Variants in KIRREL3 observed in about 807,000 individuals in gnomAD.
KIRREL3 encodes kin of IRRE-like protein 3.
A neutral mutation model predicts 89.7 loss-of-function variants in KIRREL3; 36 were observed. That is an observed-to-expected ratio of 0.40 (90% confidence interval 0.31 to 0.53). The LOEUF (loss-of-function observed/expected upper bound fraction) is 0.53. Ranked by LOEUF, KIRREL3 falls within the 20% of genes least tolerant of loss-of-function variation. KIRREL3 has a pLI of 0.49. For missense variants in KIRREL3, 864 were observed against 1,056.6 expected (o/e 0.82, Z 2.53); for synonymous variants, 445 against 441.4 (o/e 1.01, Z -0.10).
intron 1 of KIRREL3, among the ~76,000 whole-genome samples, chr11:126,711,272 A>G (rs1206717376): frequency 6.6e-6 from 1 of 152,200 alleles, no homozygotes; most frequent in Non-Finnish European, 1.5e-5. Context: ...GTTTAAAGAG[A>G]ATTCTGGATA....
chr11:126,828,227 T>G (rs566517678), intron 1 of KIRREL3, among the ~76,000 whole-genome samples: 17 of 152,356 alleles, frequency 1.1e-4, no homozygotes, highest in African/African-American at 3.4e-4. Context: ...AGGGTCCCAG[T>G]TAATCCCAAC....
At position 126,768,878 on chromosome 11, in the gene KIRREL3, C is replaced by T. The variant is rs1207028845; in HGVS notation, c.56-205966G>A. ...GCTCCATGGAGCACGAGAGCCATGG[C>T]AAGAAGGCGATGTTGCTTCCCACAT... is the stretch of plus-strand genomic sequence containing the variant. On this transcript the variant is annotated intron_variant, in intron 1 of 16. Transcript: ENST00000525144. The surrounding 1 kb of genome is among the most constrained non-coding windows in gnomAD (Gnocchi z 4.5). 1.3e-5 allele frequency among the ~76,000 whole-genome samples: 2 copies of T among 152,176 alleles called. No homozygotes were observed. The highest frequency in any genetic ancestry group is 2.1e-4 in the South Asian group (1 of 4,814).
rs1023536461 is a variant in KIRREL3, at chr11:126,491,108, C to G, written c.434-17642G>C. On this transcript the variant is annotated intron_variant, in intron 4 of 16. Coordinates refer to ENST00000525144, the MANE Select transcript of KIRREL3 (RefSeq NM_032531.4). The surrounding 1 kb of genome is among the most constrained non-coding windows in gnomAD (Gnocchi z 5.5). The stretch of plus-strand genomic sequence containing the variant: ...CTTCAGATAATCCTGAAACCGGAAT[C>G]CCAAAGACAAGCCCTGAGTCTCCAG... Among the ~76,000 whole-genome samples, 11 of 152,198 alleles carry G rather than the reference C, an allele frequency of 7.2e-5. No individual in the cohort carries two copies. The highest frequency in any genetic ancestry group is 2.2e-4 in the African/African-American group (9 of 41,442).
chr11:126,674,607 C>T (rs955942581), intron 1 of KIRREL3, among the ~76,000 whole-genome samples: 1 of 152,180 alleles, frequency 6.6e-6, no homozygotes, highest in South Asian at 2.1e-4. Flanking sequence ...CACCAACAGC[C>T]CTTGCACTGC....
chr11:126,451,366 CTATG>C (rs771879091), intron 7 of KIRREL3, among the ~76,000 whole-genome samples: 30 of 107,712 alleles, frequency 2.8e-4, no homozygotes, highest in Admixed American at 4.5e-4. Flanking sequence ...GTGAGTGTGA[CTATG>C]TGTGAGCGTG....
In KIRREL3 at chr11:126,562,932, G is replaced by T; in HGVS notation, c.56-20C>A. 1 of 1,604,518 alleles carries T rather than the reference G, an allele frequency of 6.2e-7. No homozygotes were observed. The highest frequency in any genetic ancestry group is 1.7e-5 in the Admixed American group (1 of 59,962). ...CCAGCTCTGGAAGAGAAGCATAGGT[G>T]GGTGAGTTGGGAATGGGAACAGGTC... On this transcript the variant is annotated intron_variant, in intron 1 of 16. Coordinates refer to ENST00000525144, the MANE Select transcript of KIRREL3 (RefSeq NM_032531.4). This position sits in a 1 kb window ranked among gnomAD's most constrained non-coding sequence, Gnocchi z 4.7.
intron 1 of KIRREL3, among the ~76,000 whole-genome samples, chr11:126,692,141 C>A (rs546076833): frequency 6.6e-6 from 1 of 152,104 alleles, no homozygotes; most frequent in African/African-American, 2.4e-5. Flanking sequence ...AATAGGACCA[C>A]CATCTGATGC....
chr11:126,816,687 C>G (rs1951583724), intron 1 of KIRREL3, among the ~76,000 whole-genome samples: 1 of 152,196 alleles, frequency 6.6e-6, no homozygotes, highest in Non-Finnish European at 1.5e-5. Context: ...TTCACCAACC[C>G]CATCTGCACC....
chr11:126,513,133 G>A lies in KIRREL3; in HGVS notation c.433+8182C>T, dbSNP rs1591658126. 6.6e-6 allele frequency among the ~76,000 whole-genome samples: 1 copy of A among 152,274 alleles called. No individual in the cohort carries two copies. The highest frequency in any genetic ancestry group is 6.5e-5 in the Admixed American group (1 of 15,298). ...GAGCCTGTCTCTTGGTGATGGGGGTGCAGCCACTGGGGCCAGGCAACAGCA... is the reference window on the plus strand; with the variant it reads ...GAGCCTGTCTCTTGGTGATGGGGGTACAGCCACTGGGGCCAGGCAACAGCA... On this transcript the variant is annotated intron_variant, in intron 4 of 16. Transcript: ENST00000525144. The surrounding 1 kb of genome is among the most constrained non-coding windows in gnomAD (Gnocchi z 5.9).
At chr11:126,542,771 G>A (rs1418019061) in intron 2 of KIRREL3, among the ~76,000 whole-genome samples, 2 of 152,220 alleles carry the variant, frequency 1.3e-5, no homozygotes, top group South Asian at 4.1e-4. Flanking sequence ...AATGTTAACA[G>A]AGGACTTCAT....
chr11:126,926,114 C>T (rs917125900), intron 1 of KIRREL3, among the ~76,000 whole-genome samples: 1 of 152,192 alleles, frequency 6.6e-6, no homozygotes, highest in African/African-American at 2.4e-5. Context: ...CCCATCGCTC[C>T]AGGAGTGGAG....
At chr11:126,629,228 A>T (rs1026607251) in intron 1 of KIRREL3, among the ~76,000 whole-genome samples, 14 of 152,056 alleles carry the variant, frequency 9.2e-5, no homozygotes, top group Admixed American at 4.6e-4. Flanking sequence ...TGTGGGTTTG[A>T]CAGGGACTGT....
rs567117459 is a variant in KIRREL3 at position 126,575,906 on chromosome 11, G to T, written c.56-12994C>A. Among the ~76,000 whole-genome samples the T allele has an allele frequency of 4.6e-5, 7 of 152,220 alleles. No individual in the cohort carries two copies. In the South Asian group the frequency reaches 1.5e-3, roughly 32 times the overall value. Reference sequence around the variant, plus strand: ...CTCTGGACACCACCCCCCGCCAACTGCCTTATTCATACCTCTTCATTCATT... The same window carrying T: ...CTCTGGACACCACCCCCCGCCAACTTCCTTATTCATACCTCTTCATTCATT... On this transcript the variant is annotated intron_variant, in intron 1 of 16. Coordinates refer to ENST00000525144, the MANE Select transcript of KIRREL3 (RefSeq NM_032531.4). This position sits in a 1 kb window ranked among gnomAD's most constrained non-coding sequence, Gnocchi z 7.0.
rs1456875916 is a variant in KIRREL3, at chr11:126,812,679, A to G, written c.55+187776T>C. 6.6e-6 allele frequency among the ~76,000 whole-genome samples: 1 copy of G among 152,216 alleles called. No homozygotes were observed. The highest frequency in any genetic ancestry group is 2.4e-5 in the African/African-American group (1 of 41,454). On this transcript the variant is annotated intron_variant, in intron 1 of 16. Transcript: ENST00000525144. This position sits in a 1 kb window ranked among gnomAD's most constrained non-coding sequence, Gnocchi z 5.2. ...CCTGACTTTGGGCCTTTGTCCATAC[A>G]GCACCACACTGGGCGTCAGGGTCCT...
intron 1 of KIRREL3, among the ~76,000 whole-genome samples, chr11:126,841,644 T>C (rs1271471005): frequency 1.3e-5 from 2 of 152,242 alleles, no homozygotes; most frequent in Non-Finnish European, 2.9e-5. Flanking sequence ...ATTTGACAAA[T>C]GTTTGTTTAT....
chr11:126,577,143 T>C (rs1044047577), intron 1 of KIRREL3, among the ~76,000 whole-genome samples: 2 of 152,180 alleles, frequency 1.3e-5, no homozygotes, highest in African/African-American at 2.4e-5. Context: ...ATGTTTGTCT[T>C]AGCCGCGTTT....
chr11:126,796,941 C>T lies in KIRREL3; in HGVS notation c.55+203514G>A, dbSNP rs1950831008. Among the ~76,000 whole-genome samples the T allele has an allele frequency of 6.6e-6, 1 of 152,150 alleles. No homozygotes were observed. Among genetic ancestry groups the T allele is most frequent in the Non-Finnish European group, 1.5e-5 (1 of 68,054 alleles). On this transcript the variant is annotated intron_variant, in intron 1 of 16. Transcript: ENST00000525144. The surrounding 1 kb of genome is among the most constrained non-coding windows in gnomAD (Gnocchi z 5.1). ...CTGCCTGATTGGGGTTGTGAGCTAG[C>T]ACAGAGCAGGAAGTGGGGAAGGGAC...
At chr11:126,998,916 AGTGT>A (rs10561880) in intron 1 of KIRREL3, among the ~76,000 whole-genome samples, 15,389 of 140,952 alleles carry the variant, frequency 0.11, 937 homozygotes, top group Admixed American at 0.17. Flanking sequence ...GACGAATGGG[AGTGT>A]GTGTGTGTGT....
rs548401726 is a variant in KIRREL3, at chr11:126,990,721, C to T, written c.55+9734G>A. The stretch of plus-strand genomic sequence containing the variant: ...GAAAAAGGCTTCAGAGGGCATCTCC[C>T]TGAAGAAACAGAACTCCTTGTGAAT... On this transcript the variant is annotated intron_variant, in intron 1 of 16. Coordinates refer to ENST00000525144, the MANE Select transcript of KIRREL3 (RefSeq NM_032531.4). The surrounding 1 kb of genome is among the most constrained non-coding windows in gnomAD (Gnocchi z 6.3). 6.6e-6 allele frequency among the ~76,000 whole-genome samples: 1 copy of T among 152,348 alleles called. No individual in the cohort carries two copies. Among genetic ancestry groups the T allele is most frequent in the South Asian group, 2.1e-4 (1 of 4,828 alleles).
Sources: allele counts gnomAD v4.1 joint callset (sites outside exome capture counted in the v4.1 genomes callset), GRCh38; gene constraint gnomAD v4.1.1; non-coding constraint Gnocchi (gnomAD v3.1); transcripts MANE v1.5; gene names NCBI Gene and HGNC (gene_info 2026-07-23, HGNC 2026-07-21).